Variants in TAFA1 observed in about 807,000 individuals in gnomAD.
TAFA1 encodes the protein TAFA chemokine like family member 1.
A neutral mutation model predicts 18.5 loss-of-function variants in TAFA1; 4 were observed. That is an observed-to-expected ratio of 0.22 (90% CI 0.11 to 0.49). The LOEUF (loss-of-function observed/expected upper bound fraction) is 0.49, where lower values mean the gene tolerates loss of function less well. Among genes scored for constraint, TAFA1 ranks in the 20% least tolerant of loss-of-function variants. The pLI is 0.98. For missense variants in TAFA1, 147 were observed against 169.0 expected, an observed-to-expected ratio of 0.87 and a Z score of 0.72; for synonymous variants, 56 against 55.2, an observed-to-expected ratio of 1.01 and a Z score of -0.06.
chr3:68,158,649 T>C (rs184644616), intron 2 of TAFA1, among the ~76,000 whole-genome samples: 149 of 152,274 alleles, frequency 9.8e-4, no homozygotes, highest in African/African-American at 3.4e-3. Flanking sequence ...CTGTGCAGAA[T>C]ACATCATTAA....
At chr3:68,209,511 A>G (rs1289857228) in intron 2 of TAFA1, among the ~76,000 whole-genome samples, 1 of 152,058 alleles carries the variant, frequency 6.6e-6, no homozygotes, top group Admixed American at 6.6e-5. Context: ...AGGGTAGCAT[A>G]TCGTATTATC....
At chr3:68,273,717 T>C (rs994984954) in intron 2 of TAFA1, among the ~76,000 whole-genome samples, 4 of 152,146 alleles carry the variant, frequency 2.6e-5, no homozygotes, top group African/African-American at 9.7e-5. Flanking sequence ...CAGTTAGGTA[T>C]TTCTCAGAGA....
At chr3:68,500,490 G>A (rs577747405) in intron 3 of TAFA1, among the ~76,000 whole-genome samples, 77 of 152,100 alleles carry the variant, frequency 5.1e-4, no homozygotes, top group African/African-American at 1.8e-3. Context: ...ATCACCCTTT[G>A]AGGAGCAGTA....
At chr3:68,065,769 C>T (rs943298479) in intron 2 of TAFA1, among the ~76,000 whole-genome samples, 3 of 143,420 alleles carry the variant, frequency 2.1e-5, no homozygotes, top group African/African-American at 5.2e-5. Flanking sequence ...TATATATACA[C>T]ACACATTACC....
At chr3:68,297,533 C>T (rs1031389635) in intron 2 of TAFA1, among the ~76,000 whole-genome samples, 2 of 152,138 alleles carry the variant, frequency 1.3e-5, no homozygotes, top group African/African-American at 2.4e-5. Flanking sequence ...TTTAAACATT[C>T]GGCTAGTGAT....
intron 2 of TAFA1, among the ~76,000 whole-genome samples, chr3:68,385,795 AT>A (rs1166045576): frequency 1.3e-5 from 2 of 151,822 alleles, no homozygotes; most frequent in African/African-American, 4.8e-5. Context: ...GTCTTTTCAA[AT>A]TTTTTTATTT....
chr3:68,320,802 G>A (rs530480362), intron 2 of TAFA1, among the ~76,000 whole-genome samples: 2 of 152,272 alleles, frequency 1.3e-5, no homozygotes, highest in South Asian at 4.1e-4. Flanking sequence ...GAGAAAGCAT[G>A]CACCCTGAGA....
chr3:68,240,045 G>A (rs762886317), intron 2 of TAFA1, among the ~76,000 whole-genome samples: 1 of 152,192 alleles, frequency 6.6e-6, no homozygotes, highest in African/African-American at 2.4e-5. Context: ...GAGGTAAAGT[G>A]ATTACCCAAG....
At chr3:68,237,728 A>G (rs574853976) in intron 2 of TAFA1, among the ~76,000 whole-genome samples, 1 of 152,332 alleles carries the variant, frequency 6.6e-6, no homozygotes, top group African/African-American at 2.4e-5. Context: ...TAAAAAGTCA[A>G]AGTGTATTCA....
At chr3:68,175,889 G>A (rs2066118730) in intron 2 of TAFA1, among the ~76,000 whole-genome samples, 1 of 152,126 alleles carries the variant, frequency 6.6e-6, no homozygotes, top group African/African-American at 2.4e-5. Flanking sequence ...CCCACATGTG[G>A]TGGGAGGGAC....
chr3:68,296,887 G>A (rs921145776), intron 2 of TAFA1, among the ~76,000 whole-genome samples: 2 of 152,148 alleles, frequency 1.3e-5, no homozygotes, highest in African/African-American at 4.8e-5. Context: ...GCACATAAAG[G>A]TGGGAAAAAT....
rs6787989 is a variant in TAFA1 at position 68,427,822 on chromosome 3, G to A, written c.259+10402G>A. Among the ~76,000 whole-genome samples the A allele has an allele frequency of 1.4e-3, 220 of 151,980 alleles. 2 individuals carry two copies. The highest frequency in any genetic ancestry group is 5.2e-3 in the African/African-American group (215 of 41,494). On this transcript the variant is annotated intron_variant, in intron 3 of 4. Coordinates refer to ENST00000478136, the MANE Select transcript of TAFA1 (RefSeq NM_213609.4). Reference sequence around the variant, plus strand: ...TAATGGGGGCAGGTTTTCCCATGCTGTTCTTGTGATAGTGAATAAGTCTCA... The same window carrying A: ...TAATGGGGGCAGGTTTTCCCATGCTATTCTTGTGATAGTGAATAAGTCTCA...
intron 2 of TAFA1, among the ~76,000 whole-genome samples, chr3:68,211,007 G>A (rs544852507): frequency 6.6e-6 from 1 of 152,106 alleles, no homozygotes; most frequent in East Asian, 2.0e-4. Context: ...ATTGAAAGGA[G>A]ACCTTTGTCC....
rs563866369 is a variant in TAFA1, at chr3:68,287,775, C to T, written c.119-129505C>T. Reference sequence around the variant, plus strand: ...AATTAGGGCTATTTATCCTTCCGTCCGTGACGCCCCGAAGCAAGGCCCATT... The same window carrying T: ...AATTAGGGCTATTTATCCTTCCGTCTGTGACGCCCCGAAGCAAGGCCCATT... On this transcript the variant is annotated intron_variant, in intron 2 of 4. Transcript: ENST00000478136. 3.3e-5 allele frequency among the ~76,000 whole-genome samples: 5 copies of T among 152,158 alleles called. No individual in the cohort carries two copies. In the South Asian group the frequency reaches 6.2e-4, roughly 19 times the overall value.
chr3:68,539,544 G>A (rs1048859526), intron 4 of TAFA1, among the ~76,000 whole-genome samples: 1 of 151,824 alleles, frequency 6.6e-6, no homozygotes, highest in African/African-American at 2.4e-5. Context: ...GAGATGCTCC[G>A]GATGCTTAAG....
intron 3 of TAFA1, among the ~76,000 whole-genome samples, chr3:68,478,073 A>T (rs1342466246): frequency 6.6e-6 from 1 of 152,232 alleles, no homozygotes; most frequent in Non-Finnish European, 1.5e-5. Flanking sequence ...AAGGACTATC[A>T]GAGATCAAGA....
intron 2 of TAFA1, among the ~76,000 whole-genome samples, chr3:68,102,687 T>C (rs2065162102): frequency 6.6e-6 from 1 of 152,212 alleles, no homozygotes; most frequent in Admixed American, 6.5e-5. Flanking sequence ...GCAGGTTATC[T>C]CTGCTTTTAA....
chr3:68,092,936 T>TA (rs1297194663), intron 2 of TAFA1, among the ~76,000 whole-genome samples: 1 of 152,170 alleles, frequency 6.6e-6, no homozygotes, highest in African/African-American at 2.4e-5. Flanking sequence ...GGGAAAAACT[T>TA]AATTTTAAGT....
intron 2 of TAFA1, among the ~76,000 whole-genome samples, chr3:68,387,234 T>C (rs1450677680): frequency 6.6e-6 from 1 of 152,042 alleles, no homozygotes; most frequent in Non-Finnish European, 1.5e-5. Context: ...GTACTTTCAG[T>C]GATAATTAGG....
Sources: gnomAD v4.1 joint callset for allele counts (sites outside exome capture counted in the v4.1 genomes callset) on GRCh38, gnomAD v4.1.1 for gene constraint, MANE v1.5 for transcripts, NCBI Gene and HGNC (gene_info 2026-07-23, HGNC 2026-07-21) for gene names.